UTRN: variants seen among roughly 807,000 people sequenced by gnomAD.
The protein encoded by UTRN is utrophin.
Under a neutral mutation model 463.9 loss-of-function variants are expected in UTRN, and 283 were observed. That is an observed-to-expected ratio of 0.61 (90% CI 0.55 to 0.67). The LOEUF (loss-of-function observed/expected upper bound fraction) is 0.67. Among genes scored for constraint, UTRN ranks in the 30% least tolerant of loss-of-function variants. The pLI is 0.00. For synonymous variants in UTRN, 1,442 were observed against 1,431.5 expected (o/e 1.01, Z -0.17); for missense variants, 3,922 against 4,084.3 (o/e 0.96, Z 1.08).
intron 2 of UTRN, among the ~76,000 whole-genome samples, chr6:144,375,906 T>C (rs1017345924): frequency 6.6e-6 from 1 of 152,198 alleles, no homozygotes; most frequent in Non-Finnish European, 1.5e-5. Flanking sequence ...CTGCCTGGCG[T>C]TTTATGGCAT....
At chr6:144,798,683 A>C (rs908942501) in intron 64 of UTRN, among the ~76,000 whole-genome samples, 2 of 152,182 alleles carry the variant, frequency 1.3e-5, no homozygotes, top group Non-Finnish European at 2.9e-5. Flanking sequence ...TAATTTGGAA[A>C]TCTATTATGA....
At chr6:144,775,367 A>G (rs1775231527) in intron 60 of UTRN, among the ~76,000 whole-genome samples, 1 of 152,214 alleles carries the variant, frequency 6.6e-6, no homozygotes, top group Non-Finnish European at 1.5e-5. Context: ...AGAGAAGTCT[A>G]CAGGGCTGAA....
In UTRN at chr6:144,516,948, G is replaced by A; in HGVS notation, c.5541G>A (p.Lys1847=). The A allele has an allele frequency of 6.8e-7, 1 of 1,472,820 alleles. No homozygotes were observed. Among genetic ancestry groups the A allele is most frequent in the Non-Finnish European group, 9.0e-7 (1 of 1,117,006 alleles). The allele number at this position is 1,472,820 out of a possible 1,614,324, so 91.2% of individuals were successfully genotyped here. A position where few individuals can be genotyped will look rare whatever the true frequency, so the allele number is the denominator to read the frequency against. The change falls in exon 39 of 75, where the codon AAG becomes AAA. Residue 1847 remains lysine (K), a splice_region_variant and synonymous_variant. Transcript: ENST00000367545. ...LLLHTRYNKI[K]AIPIQQRKMG... ...TGCATACTAGATACAACAAAATTAA[G>A]GTATTATGATTGGAGAGTCTCTGTT...
Position 144,524,833 on chromosome 6 carries a change from C to T in UTRN, c.5906+1645C>T, listed in dbSNP as rs181447547. Reference sequence around the variant, plus strand: ...ATAATGTTGGCTATGGGCTAAAAGTCATAGATGGCTTTTATTACCTGAAGG... The same window carrying T: ...ATAATGTTGGCTATGGGCTAAAAGTTATAGATGGCTTTTATTACCTGAAGG... On this transcript the variant is annotated intron_variant, in intron 41 of 74. Coordinates refer to ENST00000367545, the MANE Select transcript of UTRN (RefSeq NM_007124.3). Among the ~76,000 whole-genome samples the T allele has an allele frequency of 4.9e-3, 743 of 152,224 alleles. 6 individuals are homozygous for T. Among genetic ancestry groups the T allele is most frequent in the Non-Finnish European group, 5.3e-3 (361 of 68,000 alleles).
In UTRN at chr6:144,766,787, G is replaced by GGTGTGT. The variant is rs35485550; in HGVS notation, c.8496-5107_8496-5102dup. Among the ~76,000 whole-genome samples, 5 of 150,988 alleles carry GGTGTGT rather than the reference G, an allele frequency of 3.3e-5. No homozygotes were observed. In the South Asian group the frequency reaches 1.0e-3, roughly 32 times the overall value. ...GCAGAAAATGTAGATTTGAGGTAGGGGTGTGTGTGTGTGTGTGTTTAAGGA... is the reference window on the plus strand; with the variant it reads ...GCAGAAAATGTAGATTTGAGGTAGGGGTGTGTGTGTGTGTGTGTGTGTGTTTAAGGA... On this transcript the variant is annotated intron_variant, in intron 58 of 74. Coordinates refer to ENST00000367545, the MANE Select transcript of UTRN (RefSeq NM_007124.3).
chr6:144,438,341 G>T (rs2114895142), intron 11 of UTRN, among the ~76,000 whole-genome samples: 1 of 152,326 alleles, frequency 6.6e-6, no homozygotes, highest in Admixed American at 6.5e-5. Context: ...AACTTGGTGT[G>T]AAGACAGGAC....
chr6:144,310,708 G>A (rs1806181339), intron 2 of UTRN, among the ~76,000 whole-genome samples: 1 of 152,200 alleles, frequency 6.6e-6, no homozygotes, highest in African/African-American at 2.4e-5. Flanking sequence ...AACCCAGGAG[G>A]CAGAGGTTGC....
At chr6:144,684,932 T>C (rs1045649118) in intron 52 of UTRN, among the ~76,000 whole-genome samples, 1 of 152,216 alleles carries the variant, frequency 6.6e-6, no homozygotes, top group African/African-American at 2.4e-5. Flanking sequence ...ATGAATTGTA[T>C]AGCGGTGAAG....
chr6:144,611,872 C>A (rs1317478101), intron 51 of UTRN, among the ~76,000 whole-genome samples: 1 of 152,036 alleles, frequency 6.6e-6, no homozygotes, highest in African/African-American at 2.4e-5. Context: ...TTGTATGAAT[C>A]CACAAATGAT....
chr6:144,806,594 T>A (rs905741375), intron 65 of UTRN, among the ~76,000 whole-genome samples: 2 of 102,164 alleles, frequency 2.0e-5, no homozygotes, highest in Admixed American at 9.1e-5. Flanking sequence ...ATTCATTCTC[T>A]GAAGCCACAG....
rs1016901620 is a variant in UTRN, at chr6:144,437,834, G to A, written c.1241+88G>A. The A allele has an allele frequency of 1.0e-4, 137 of 1,351,772 alleles. No homozygotes were observed. In the Middle Eastern group the frequency reaches 3.8e-3, roughly 37 times the overall value. 83.7% of individuals were successfully genotyped at this position (1,351,772 alleles called of 1,614,324 possible). A position where few individuals can be genotyped will look rare whatever the true frequency, so the allele number is the denominator to read the frequency against. ...TAGATGTCTGCATGTCTGTGAAAGC[G>A]AGATGATTACAGAACTTGCCTTGGA... On this transcript the variant is annotated intron_variant, in intron 11 of 74. Transcript: ENST00000367545.
intron 53 of UTRN, among the ~76,000 whole-genome samples, chr6:144,728,690 A>T (rs367869064): frequency 6.6e-6 from 1 of 151,824 alleles, no homozygotes; most frequent in East Asian, 1.9e-4. Flanking sequence ...AAGGACATAT[A>T]AATGTACCTT....
intron 62 of UTRN, 150 bp from the exon 63 acceptor site, chr6:144,793,684 G>T (rs1183061330): frequency 1.1e-6 from 1 of 893,500 alleles, no homozygotes; most frequent in Non-Finnish European, 1.7e-6. Context: ...AGAATATTAA[G>T]GTCATTGGAA....
intron 2 of UTRN, among the ~76,000 whole-genome samples, chr6:144,308,347 A>AT (rs1562729285): frequency 1.3e-5 from 2 of 151,756 alleles, no homozygotes. Flanking sequence ...TAAGCGTCCC[A>AT]TTTTTTCGGT....
At chr6:144,481,106 A>C (rs544641973) in intron 26 of UTRN, among the ~76,000 whole-genome samples, 1 of 152,124 alleles carries the variant, frequency 6.6e-6, no homozygotes, top group Non-Finnish European at 1.5e-5. Context: ...GAGAAAAATG[A>C]TATTTAAATA....
At position 144,479,837 on chromosome 6, in the gene UTRN, C is replaced by G. The variant is rs979153494; in HGVS notation, c.3362C>G (p.Ser1121Cys). ...ATCGCTACTCAAAAAAGTAGGTTGT[C>G]TGAAAGTCAAGAAAAAGCTGCGAAC... is the stretch of plus-strand genomic sequence containing the variant. ...KEIATQKSRL[S>C]ESQEKAANLK... The change falls in exon 26 of 75, where the codon TCT becomes TGT. Residue 1121 changes from serine to cysteine, a missense_variant. Physicochemically the swap from Ser to Cys is moderately radical, Grantham distance 112. Coordinates refer to ENST00000367545, the MANE Select transcript of UTRN (RefSeq NM_007124.3). 34 of 1,613,656 alleles carry G rather than the reference C, an allele frequency of 2.1e-5. No individual in the cohort carries two copies. The highest frequency in any genetic ancestry group is 2.5e-5 in the Non-Finnish European group (29 of 1,179,856).
At chr6:144,372,337 G>A (rs1429357342) in intron 2 of UTRN, among the ~76,000 whole-genome samples, 3 of 152,306 alleles carry the variant, frequency 2.0e-5, no homozygotes, top group African/African-American at 7.2e-5. Flanking sequence ...TCTGTTAAAT[G>A]GGATAGTAAT....
intron 1 of UTRN, among the ~76,000 whole-genome samples, chr6:144,289,277 G>C (rs981551641): frequency 6.6e-6 from 1 of 151,990 alleles, no homozygotes; most frequent in Non-Finnish European, 1.5e-5. Flanking sequence ...TGCACATTTT[G>C]CACATTGGAT....
intron 51 of UTRN, among the ~76,000 whole-genome samples, chr6:144,652,115 A>G (rs1778880808): frequency 6.6e-6 from 1 of 152,218 alleles, no homozygotes; most frequent in Non-Finnish European, 1.5e-5. Context: ...TTGTTTAGCA[A>G]TTTCAAATGC....
Sources: allele counts gnomAD v4.1 joint callset (sites outside exome capture counted in the v4.1 genomes callset), GRCh38; gene constraint gnomAD v4.1.1; transcripts MANE v1.5; gene names NCBI Gene and HGNC (gene_info 2026-07-23, HGNC 2026-07-21).